Variants in ACTG1 observed in about 807,000 individuals in gnomAD.
ACTG1 encodes actin gamma 1.
In ACTG1, 14 loss-of-function variants were observed where a neutral mutation model predicts 34.3. The ratio of observed to expected loss-of-function variants is 0.41; its 90% CI spans 0.27 to 0.64. ACTG1 has a LOEUF of 0.64. ACTG1 is among the 30% of genes least tolerant of loss of function. ACTG1 has a pLI of 0.33. For synonymous variants in ACTG1, 422 were observed against 213.9 expected, an observed-to-expected ratio of 1.97 and a Z score of -8.49; for missense variants, 233 against 529.5, an observed-to-expected ratio of 0.44 and a Z score of 5.50.
In ACTG1 at chr17:81,512,368, G is replaced by C. The variant is rs374212193; in HGVS notation, c.-6-8C>G. 1 of 1,613,798 alleles carries C rather than the reference G, an allele frequency of 6.2e-7. No homozygotes were observed. Among genetic ancestry groups the C allele is most frequent in the African/African-American group, 1.3e-5 (1 of 74,924 alleles). On this transcript the variant is annotated splice_region_variant and splice_polypyrimidine_tract_variant and intron_variant, in intron 1 of 5. Transcript: ENST00000573283. ...CTCTTCTTCCATTGCGACCTGCCCG[G>C]AAAAGGATGGACTCAGGCGGGCGCG...
At chr17:81,512,662 A>C (rs1555667476) in intron 1 of ACTG1, 72 bp downstream of exon 1, 3 of 423,388 alleles carry the variant, frequency 7.1e-6, no homozygotes, top group Non-Finnish European at 8.8e-6. Flanking sequence ...CGGCAGCTGG[A>C]AGCGGGGCCA....
chr17:81,511,189 C>T lies in ACTG1; in HGVS notation c.801G>A (p.Leu267=). ...CPEALFQPSF[L]GMESCGIHET... is the part of the protein sequence containing the mutation. Reference sequence around the variant, plus strand: ...AAACCTTTAGCTCACAACACCTACCCAGGAAGGAAGGCTGGAACAGCGCCT... The same window carrying T: ...AAACCTTTAGCTCACAACACCTACCTAGGAAGGAAGGCTGGAACAGCGCCT... The change falls in exon 4 of 6, where the codon CTG becomes CTA. Residue 267 remains leucine, a splice_region_variant and synonymous_variant. Transcript: ENST00000573283. The T allele has an allele frequency of 1.2e-6, 2 of 1,613,702 alleles. No homozygotes were observed. The highest frequency in any genetic ancestry group is 1.7e-6 in the Non-Finnish European group (2 of 1,180,038).
rs1157976912 is a variant in ACTG1, at chr17:81,511,972, C to T, written c.294G>A (p.Pro98=). 13 of 1,613,922 alleles carry T rather than the reference C, an allele frequency of 8.1e-6. No individual in the cohort carries two copies. The highest frequency in any genetic ancestry group is 2.7e-5 in the African/African-American group (2 of 74,946). The change falls in exon 3 of 6, where the codon CCG becomes CCA. Residue 98 remains proline, a synonymous_variant. Coordinates refer to ENST00000573283, the MANE Select transcript of ACTG1 (RefSeq NM_001614.5). ...HTFYNELRVA[P]EEHPVLLTEA... Reference sequence around the variant, plus strand: ...CGGTCAGCAGCACTGGGTGCTCCTCCGGGGCCACGCGCAGCTCGTTGTAGA... The same window carrying T: ...CGGTCAGCAGCACTGGGTGCTCCTCTGGGGCCACGCGCAGCTCGTTGTAGA...
At chr17:81,512,500 G>C (rs1598552274) in intron 1 of ACTG1, 140 bp from the exon 2 acceptor site, 1 of 1,398,734 alleles carries the variant, frequency 7.1e-7, no homozygotes, top group African/African-American at 1.4e-5. Flanking sequence ...CAACCGCCTG[G>C]AACCGAAGGC....
Position 81,510,910 on chromosome 17 carries a change from C to G in ACTG1, c.984+17G>C, listed in dbSNP as rs2031724178. On this transcript the variant is annotated intron_variant, in intron 5 of 5. Coordinates refer to ENST00000573283, the MANE Select transcript of ACTG1 (RefSeq NM_001614.5). ...CTCTCCCGAGCCAGGCAGAGGGCCA[C>G]CAACCCCTCGACTCACCTTGATCTT... 2 of 1,613,930 alleles carry G rather than the reference C, an allele frequency of 1.2e-6. No homozygotes were observed. Among genetic ancestry groups the G allele is most frequent in the Middle Eastern group, 1.7e-4 (1 of 6,058 alleles).
intron 1 of ACTG1, 103 bp downstream of exon 1, chr17:81,512,631 G>C (rs906363885): frequency 2.0e-6 from 1 of 506,188 alleles, no homozygotes. Context: ...TTTTGTTCCC[G>C]GGGAAGGCGC....
Position 81,510,831 on chromosome 17 carries a change from G to A in ACTG1, c.987C>T (p.Ile329=), listed in dbSNP as rs1323374413. ...ALAPSTMKIK[I]IAPPERKYSV... The stretch of plus-strand genomic sequence containing the variant: ...AGTACTTGCGCTCTGGGGGTGCGAT[G>A]ATCTGCAAAGACAGCCAGGCACGGC... The change falls in exon 6 of 6, where the codon ATC becomes ATT. Residue 329 remains isoleucine, a splice_region_variant and synonymous_variant. Coordinates refer to ENST00000573283, the MANE Select transcript of ACTG1 (RefSeq NM_001614.5). The A allele has an allele frequency of 1.9e-5, 31 of 1,613,616 alleles. No homozygotes were observed. Among genetic ancestry groups the A allele is most frequent in the Non-Finnish European group, 2.5e-5 (29 of 1,179,992 alleles).
chr17:81,511,883 G>T lies in ACTG1; in HGVS notation c.363+20C>A, dbSNP rs782132566. 6.2e-7 allele frequency: 1 copy of T among 1,613,862 alleles called. No homozygotes were observed. Among genetic ancestry groups the T allele is most frequent in the African/African-American group, 1.3e-5 (1 of 74,926 alleles). On this transcript the variant is annotated intron_variant, in intron 3 of 5. Transcript: ENST00000573283. ...ACTGGGGAAAGGACGGGAGGAGCAC[G>T]GGCGTCGGCCGAGCCTCACCTGAGT...
At position 81,512,740 on chromosome 17, in the gene ACTG1, A is replaced by T. The variant is rs1555667531; in HGVS notation, c.-13T>A. On this transcript the variant is annotated 5_prime_UTR_variant, in exon 1 of 6. Coordinates refer to ENST00000573283, the MANE Select transcript of ACTG1 (RefSeq NM_001614.5). ...CCCGGGGCGGGGCGCTCACCGGCAG[A>T]GAAACGCGACGGCGGAGCGGCGGAA... 2.4e-6 allele frequency: 1 copy of T among 413,520 alleles called. No homozygotes were observed. The highest frequency in any genetic ancestry group is 4.7e-6 in the Non-Finnish European group (1 of 212,954). 25.6% of individuals were successfully genotyped at this position (413,520 alleles called of 1,614,324 possible).
At position 81,510,674 on chromosome 17, in the gene ACTG1, C is replaced by T. The variant is rs782560951; in HGVS notation, c.*16G>A. On this transcript the variant is annotated 3_prime_UTR_variant, in exon 6 of 6. Transcript: ENST00000573283. ...ATTAACCCATGCAGCAAATGCTACG[C>T]ATCTGCTGAGTCCGTTTAGAAGCAT... 1.2e-6 allele frequency: 2 copies of T among 1,613,762 alleles called. No homozygotes were observed. The highest frequency in any genetic ancestry group is 2.2e-5 in the South Asian group (2 of 91,058).
At position 81,512,719 on chromosome 17, in the gene ACTG1, G is replaced by C. The variant is rs1317902785; in HGVS notation, c.-7+15C>G. ...CCTGCGACGTCCAGCTCAGGCCCCG[G>C]GGCGGGGCGCTCACCGGCAGAGAAA... On this transcript the variant is annotated intron_variant, in intron 1 of 5. Transcript: ENST00000573283. The C allele has an allele frequency of 2.2e-5, 9 of 408,432 alleles. No homozygotes were observed. The highest frequency in any genetic ancestry group is 3.3e-5 in the Non-Finnish European group (7 of 212,794). The allele number at this position is 408,432 out of a possible 1,614,324, so 25.3% of individuals were successfully genotyped here. A position where few individuals can be genotyped will look rare whatever the true frequency, so the allele number is the denominator to read the frequency against.
chr17:81,510,105 T>C lies in ACTG1; in HGVS notation c.*585A>G. 2.1e-6 allele frequency: 1 copy of C among 466,094 alleles called. No homozygotes were observed. The allele number at this position is 466,094 out of a possible 1,614,324, so 28.9% of individuals were successfully genotyped here. A position where few individuals can be genotyped will look rare whatever the true frequency, so the allele number is the denominator to read the frequency against. On this transcript the variant is annotated 3_prime_UTR_variant, in exon 6 of 6. Coordinates refer to ENST00000573283, the MANE Select transcript of ACTG1 (RefSeq NM_001614.5). ...TCGAGAATTGCGTACAAAAAAAACCTTACATAAATTAAGAATGAATACATT... is the reference window on the plus strand; with the variant it reads ...TCGAGAATTGCGTACAAAAAAAACCCTACATAAATTAAGAATGAATACATT...
At position 81,510,376 on chromosome 17, in the gene ACTG1, G is replaced by A. The variant is rs11549182; in HGVS notation, c.*314C>T. On this transcript the variant is annotated 3_prime_UTR_variant, in exon 6 of 6. Coordinates refer to ENST00000573283, the MANE Select transcript of ACTG1 (RefSeq NM_001614.5). ...GGCCACACAGACTCACCAAGCCACA[G>A]ACTTGTCTTCCACAAGCACGTTCTT... 4.2e-6 allele frequency: 2 copies of A among 478,110 alleles called. No individual in the cohort carries two copies. The highest frequency in any genetic ancestry group is 3.9e-6 in the Non-Finnish European group (1 of 254,214). 29.6% of individuals were successfully genotyped at this position (478,110 alleles called of 1,614,324 possible).
chr17:81,512,777 G>T lies in ACTG1; in HGVS notation c.-50C>A, dbSNP rs782569038. On this transcript the variant is annotated 5_prime_UTR_variant, in exon 1 of 6. Coordinates refer to ENST00000573283, the MANE Select transcript of ACTG1 (RefSeq NM_001614.5). ...GCGGAGCGGCGGAAGAACAGAGTGC[G>T]AGAGCTGGCAGCGGCGACTGAGACC... 4.8e-6 allele frequency: 2 copies of T among 417,426 alleles called. No homozygotes were observed. The highest frequency in any genetic ancestry group is 1.7e-5 in the South Asian group (1 of 59,924). The allele number at this position is 417,426 out of a possible 1,614,324, so 25.9% of individuals were successfully genotyped here. A position where few individuals can be genotyped will look rare whatever the true frequency, so the allele number is the denominator to read the frequency against.
rs183500955 is a variant in ACTG1 at position 81,510,355 on chromosome 17, A to G, written c.*335T>C. ...CTGCACAGATCAGAGGCTGCTGGCC[A>G]CACAGACTCACCAAGCCACAGACTT... On this transcript the variant is annotated 3_prime_UTR_variant, in exon 6 of 6. Transcript: ENST00000573283. The G allele has an allele frequency of 1.7e-3, 748 of 451,362 alleles. 4 individuals carry two copies. The highest frequency in any genetic ancestry group is 2.2e-3 in the Non-Finnish European group (531 of 238,574). 28.0% of individuals were successfully genotyped at this position (451,362 alleles called of 1,614,324 possible). A position where few individuals can be genotyped will look rare whatever the true frequency, so the allele number is the denominator to read the frequency against.
chr17:81,512,678 G>A (rs2031893709), intron 1 of ACTG1, 56 bp downstream of exon 1: 3 of 405,348 alleles, frequency 7.4e-6, no homozygotes, highest in South Asian at 2.0e-5. Context: ...GGCCAGCCGG[G>A]GTCGGGGGGC....
intron 2 of ACTG1, 37 bp downstream of exon 2, chr17:81,512,195 C>T (rs369910719): frequency 1.9e-6 from 3 of 1,613,232 alleles, no homozygotes; most frequent in Non-Finnish European, 2.5e-6. Flanking sequence ...CACCCCGCAA[C>T]GCAGAACCCA....
In ACTG1 at chr17:81,511,366, G is replaced by A. The variant is rs370369574; in HGVS notation, c.624C>T (p.Ile208=). 70 of 1,613,840 alleles carry A rather than the reference G, an allele frequency of 4.3e-5. No homozygotes were observed. Among genetic ancestry groups the A allele is most frequent in the South Asian group, 3.0e-4 (27 of 91,090 alleles). ...ACAGCTTCTCCTTGATGTCGCGCAC[G>A]ATTTCCCGCTCGGCCGTGGTGGTGA... ...YSFTTTAERE[I]VRDIKEKLCY... The change falls in exon 4 of 6, where the codon ATC becomes ATT. Residue 208 remains isoleucine (I), a synonymous_variant. Transcript: ENST00000573283.
At position 81,512,652 on chromosome 17, in the gene ACTG1, C is replaced by A. The variant is rs1415767311; in HGVS notation, c.-7+82G>T. The A allele has an allele frequency of 6.0e-5, 27 of 447,668 alleles. No individual in the cohort carries two copies. The East Asian group carries it at 1.3e-3, about 22-fold the overall frequency. 27.7% of individuals were successfully genotyped at this position (447,668 alleles called of 1,614,324 possible). A position where few individuals can be genotyped will look rare whatever the true frequency, so the allele number is the denominator to read the frequency against. The stretch of plus-strand genomic sequence containing the variant: ...TCCCGGGGAAGGCGCGACGAGGCCT[C>A]GGCAGCTGGAAGCGGGGCCAGCCGG... On this transcript the variant is annotated intron_variant, in intron 1 of 5. Transcript: ENST00000573283.
Sources: gnomAD v4.1 joint callset for allele counts on GRCh38, gnomAD v4.1.1 for gene constraint, MANE v1.5 for transcripts, NCBI Gene and HGNC (gene_info 2026-07-23, HGNC 2026-07-21) for gene names.